WDR75: variants seen among roughly 807,000 people sequenced by gnomAD.
WDR75 encodes WD repeat domain 75.
Under a neutral mutation model 106.1 loss-of-function variants are expected in WDR75, and 52 were observed. The observed-to-expected ratio is 0.49, with a 90% CI of 0.39 to 0.62. The LOEUF (loss-of-function observed/expected upper bound fraction) is 0.62, where lower values mean the gene tolerates loss of function less well. Ranked by LOEUF, WDR75 falls within the 20% of genes least tolerant of loss-of-function variation. The pLI, the probability that WDR75 is intolerant of heterozygous loss-of-function variation, is 0.00. For missense variants in WDR75, 905 were observed against 970.3 expected, an observed-to-expected ratio of 0.93 and a Z score of 0.89; for synonymous variants, 333 against 335.5, an observed-to-expected ratio of 0.99 and a Z score of 0.08.
intron 19 of WDR75, 126 bp downstream of exon 19, chr2:189,474,458 A>T: frequency 8.7e-7 from 1 of 1,153,404 alleles, no homozygotes; most frequent in Middle Eastern, 2.3e-4. Context: ...TAAATAACTA[A>T]CAACAAACCG....
chr2:189,445,655 T>C (rs556530770), intron 1 of WDR75, among the ~76,000 whole-genome samples: 14 of 152,272 alleles, frequency 9.2e-5, no homozygotes, highest in Non-Finnish European at 1.8e-4. Context: ...AAATAAATTA[T>C]GTAGTCAATA....
chr2:189,459,884 T>A (rs574828066), intron 8 of WDR75, among the ~76,000 whole-genome samples: 2 of 152,164 alleles, frequency 1.3e-5, no homozygotes, highest in Non-Finnish European at 2.9e-5. Context: ...ACATGGTGGG[T>A]AGGTGGGTTT....
intron 7 of WDR75, 64 bp from the exon 8 acceptor site, chr2:189,459,272 G>T: frequency 8.6e-7 from 1 of 1,165,054 alleles, no homozygotes; most frequent in Non-Finnish European, 1.3e-6. Flanking sequence ...ATTGTATTTG[G>T]CATGCCATTG....
intron 1 of WDR75, among the ~76,000 whole-genome samples, chr2:189,442,274 A>G (rs894230612): frequency 3.9e-5 from 6 of 152,074 alleles, no homozygotes; most frequent in Non-Finnish European, 7.4e-5. Flanking sequence ...ACAGACAACA[A>G]TGCCCGGCAC....
Position 189,450,883 on chromosome 2 carries a change from G to T in WDR75, c.217-20G>T. Reference sequence around the variant, plus strand: ...AATTTCTTTTTTTTAAATCAATTTTGTATTGTTTTACCCTTTTAGCTGTAT... The same window carrying T: ...AATTTCTTTTTTTTAAATCAATTTTTTATTGTTTTACCCTTTTAGCTGTAT... On this transcript the variant is annotated intron_variant, in intron 2 of 20. Transcript: ENST00000314761. 2 of 1,597,616 alleles carry T rather than the reference G, an allele frequency of 1.3e-6. No homozygotes were observed. Among genetic ancestry groups the T allele is most frequent in the African/African-American group, 1.4e-5 (1 of 73,890 alleles).
intron 4 of WDR75, among the ~76,000 whole-genome samples, chr2:189,453,164 G>A (rs13430879): frequency 0.065 from 9,849 of 152,228 alleles, 492 homozygotes; most frequent in African/African-American, 0.14. Context: ...CCAGATGACT[G>A]CTTCAAACAT....
In WDR75 at chr2:189,474,271, A is replaced by G; in HGVS notation, c.2135A>G (p.Glu712Gly). Reference protein sequence around the residue: ...HRQQQDEKLNETLENELVQLP... With the variant: ...HRQQQDEKLNGTLENELVQLP... ...CAACAGCAGGATGAAAAACTAAACG[A>G]AACTTTAGAGAATGAGCTGGTACAA... Residue 712 changes from glutamate to glycine, a missense_variant, in exon 19 of 21, where the codon GAA becomes GGA. Glu to Gly is a moderately conservative substitution (Grantham distance 98, BLOSUM62 -2). Transcript: ENST00000314761. The G allele has an allele frequency of 1.2e-6, 2 of 1,613,896 alleles. No homozygotes were observed. Among genetic ancestry groups the G allele is most frequent in the Middle Eastern group, 1.7e-4 (1 of 6,058 alleles).
intron 1 of WDR75, 101 bp downstream of exon 1, chr2:189,441,679 G>T (rs1686368995): frequency 2.2e-6 from 3 of 1,351,598 alleles, no homozygotes; most frequent in African/African-American, 2.9e-5. Context: ...CGCCCGCCTG[G>T]CGGATATCGG....
Position 189,465,129 on chromosome 2 carries a change from T to C in WDR75, c.1164T>C (p.Ile388=). 1 of 1,612,786 alleles carries C rather than the reference T, an allele frequency of 6.2e-7. No individual in the cohort carries two copies. Among genetic ancestry groups the C allele is most frequent in the Non-Finnish European group, 8.5e-7 (1 of 1,179,156 alleles). The change falls in exon 12 of 21, where the codon ATT becomes ATC. Residue 388 remains isoleucine, a synonymous_variant. Coordinates refer to ENST00000314761, the MANE Select transcript of WDR75 (RefSeq NM_032168.3). ...EYINDYGLIQ[I]ELTKAAFGCF... ...TTAATGATTATGGTCTGATCCAAAT[T>C]GAACTAACAAAGGCTGCATTTGGCT...
intron 11 of WDR75, among the ~76,000 whole-genome samples, chr2:189,464,765 A>G (rs1372094063): frequency 6.6e-6 from 1 of 152,110 alleles, no homozygotes; most frequent in Non-Finnish European, 1.5e-5. Context: ...TTGTTCTTAG[A>G]AACAAAAGAA....
Position 189,474,329 on chromosome 2 carries a change from T to G in WDR75, c.2193T>G (p.Ser731Arg). 2 of 1,607,078 alleles carry G rather than the reference T, an allele frequency of 1.2e-6. No individual in the cohort carries two copies. Among genetic ancestry groups the G allele is most frequent in the Non-Finnish European group, 1.7e-6 (2 of 1,178,086 alleles). ...LPLTENIPAI[S>R]ELLHTPAHVL... ...TAACAGAAAACATACCCGCAATTAG[T>G]GAGGTAAGTAATTATGAAAACCATG... The change falls in exon 19 of 21, where the codon AGT (serine) becomes AGG (arginine). Residue 731 changes from serine to arginine, a missense_variant. Coordinates refer to ENST00000314761, the MANE Select transcript of WDR75 (RefSeq NM_032168.3).
intron 8 of WDR75, among the ~76,000 whole-genome samples, chr2:189,460,440 T>C (rs971085669): frequency 1.3e-5 from 2 of 151,988 alleles, no homozygotes; most frequent in Non-Finnish European, 2.9e-5. Context: ...TCCTTCCCAC[T>C]CCACACCCTC....
intron 3 of WDR75, 80 bp downstream of exon 3, chr2:189,451,048 A>G: frequency 4.8e-6 from 7 of 1,451,600 alleles, no homozygotes; most frequent in Non-Finnish European, 5.5e-6. Flanking sequence ...CTGTTTCTAT[A>G]AGGCCAAATA....
chr2:189,461,426 TG>T (rs927704900), intron 8 of WDR75, among the ~76,000 whole-genome samples: 5 of 152,212 alleles, frequency 3.3e-5, no homozygotes, highest in African/African-American at 4.8e-5. Context: ...TATTTTAATT[TG>T]TAATCATAAT....
Position 189,451,896 on chromosome 2 carries a change from G to A in WDR75, c.373+1G>A. 4 of 1,609,082 alleles carry A rather than the reference G, an allele frequency of 2.5e-6. No homozygotes were observed. The highest frequency in any genetic ancestry group is 3.4e-6 in the Non-Finnish European group (4 of 1,176,266). ...GTTATAGTGAATAAAGAAAAACCAG[G>A]TATGGTATAATTAACTTACTATATA... On this transcript the variant is annotated splice_donor_variant, in intron 4 of 20. Coordinates refer to ENST00000314761, the MANE Select transcript of WDR75 (RefSeq NM_032168.3). LOFTEE classifies it high-confidence loss of function.
Position 189,462,434 on chromosome 2 carries a change from C to T in WDR75, c.779-50C>T, listed in dbSNP as rs1686909487. The T allele has an allele frequency of 1.9e-6, 3 of 1,578,082 alleles. No homozygotes were observed. In the African/African-American group the frequency reaches 4.1e-5, roughly 22 times the overall value. ...AAGTGTTAATTATATTTTTCTTTCTCTTTTTTCCTCAAAACACCATCCTTT... is the reference window on the plus strand; with the variant it reads ...AAGTGTTAATTATATTTTTCTTTCTTTTTTTTCCTCAAAACACCATCCTTT... On this transcript the variant is annotated intron_variant, in intron 8 of 20. Coordinates refer to ENST00000314761, the MANE Select transcript of WDR75 (RefSeq NM_032168.3).
intron 1 of WDR75, among the ~76,000 whole-genome samples, chr2:189,444,087 G>C (rs776816070): frequency 2.4e-4 from 35 of 148,222 alleles, no homozygotes; most frequent in African/African-American, 4.8e-4. Flanking sequence ...ACTTGGTCAA[G>C]ATTTAGAGAT....
At chr2:189,452,577 G>A (rs992364797) in intron 4 of WDR75, among the ~76,000 whole-genome samples, 1 of 151,758 alleles carries the variant, frequency 6.6e-6, no homozygotes, top group Non-Finnish European at 1.5e-5. Context: ...AAAATTGGTT[G>A]ATATTAAGAA....
In WDR75 at chr2:189,459,561, T is replaced by G. The variant is rs547987255; in HGVS notation, c.778+137T>G. 1.2e-5 allele frequency: 10 copies of G among 807,908 alleles called. No homozygotes were observed. The Admixed American group carries it at 2.7e-4, about 22-fold the overall frequency. 50.0% of individuals were successfully genotyped at this position (807,908 alleles called of 1,614,324 possible). On this transcript the variant is annotated intron_variant, in intron 8 of 20. Transcript: ENST00000314761. ...CAAACACTTGTGTGTTACCCCTGTA[T>G]TTTGGGCTTTGCTCAGCACAATATG...
Sources: gnomAD v4.1 joint callset for allele counts (sites outside exome capture counted in the v4.1 genomes callset) on GRCh38, gnomAD v4.1.1 for gene constraint, MANE v1.5 for transcripts, NCBI Gene and HGNC (gene_info 2026-07-23, HGNC 2026-07-21) for gene names.